The following CTNNA2 variants were observed in gnomAD, a reference collection of about 807,000 sequenced individuals.
CTNNA2 encodes catenin alpha 2, also known as catenin alpha-2.
Under a neutral mutation model 101.0 loss-of-function variants are expected in CTNNA2, and 42 were observed. That is an observed-to-expected ratio of 0.42 (90% CI 0.32 to 0.54). The LOEUF is 0.54. Ranked by LOEUF, CTNNA2 falls within the 20% of genes least tolerant of loss-of-function variation. The pLI is 0.14. For synonymous variants in CTNNA2, 450 were observed against 456.4 expected, an observed-to-expected ratio of 0.99 and a Z score of 0.18; for missense variants, 871 against 1,223.1, an observed-to-expected ratio of 0.71 and a Z score of 4.29.
At chr2:80,014,395 TG>T (rs1029847218) in intron 7 of CTNNA2, among the ~76,000 whole-genome samples, 2 of 54,906 alleles carry the variant, frequency 3.6e-5, no homozygotes, top group Admixed American at 1.3e-4. Flanking sequence ...TGATCTCTTC[TG>T]TTTTTTTTTT....
chr2:79,905,816 GTTT>G (rs1558629685), intron 6 of CTNNA2, among the ~76,000 whole-genome samples: 1 of 152,070 alleles, frequency 6.6e-6, no homozygotes, highest in African/African-American at 2.4e-5. Flanking sequence ...GTGTTTCTTA[GTTT>G]TTTAATTACT....
chr2:80,275,711 A>G (rs867155017), intron 7 of CTNNA2, among the ~76,000 whole-genome samples: 11 of 152,124 alleles, frequency 7.2e-5, no homozygotes, highest in African/African-American at 2.4e-4. Context: ...AGAGAGAGAG[A>G]GAAAGAGAGA....
chr2:80,401,565 A>C (rs982017178), intron 8 of CTNNA2, among the ~76,000 whole-genome samples: 1 of 152,064 alleles, frequency 6.6e-6, no homozygotes, highest in Non-Finnish European at 1.5e-5. Flanking sequence ...CTGTCATAAC[A>C]AGCTTCCTAC....
intron 7 of CTNNA2, among the ~76,000 whole-genome samples, chr2:80,043,127 T>C (rs1696265990): frequency 3.7e-5 from 1 of 27,178 alleles, no homozygotes; most frequent in African/African-American, 2.8e-4. Flanking sequence ...TTCTCCTTCC[T>C]TCCTTCCTTC....
rs562417898 is a variant in CTNNA2, at chr2:79,834,022, G to A, written c.299-23991G>A. Among the ~76,000 whole-genome samples the A allele has an allele frequency of 4.6e-5, 7 of 152,212 alleles. No individual in the cohort carries two copies. The South Asian group carries it at 1.2e-3, about 27-fold the overall frequency. ...TTTCTTACTGTTGGAATTTTGAGAT[G>A]TTTCCAAGTTTTGCTTGAAACACAC... On this transcript the variant is annotated intron_variant, in intron 3 of 18. Coordinates refer to ENST00000402739, the MANE Select transcript of CTNNA2 (RefSeq NM_001282597.3).
rs375994622 is a variant in CTNNA2, at chr2:79,868,928, C to T, written c.466-888C>T. Among the ~76,000 whole-genome samples the T allele has an allele frequency of 1.3e-3, 195 of 152,270 alleles. 1 individual carries two copies. The highest frequency in any genetic ancestry group is 4.4e-3 in the African/African-American group (182 of 41,550). On this transcript the variant is annotated intron_variant, in intron 4 of 18. Transcript: ENST00000402739. The stretch of plus-strand genomic sequence containing the variant: ...CACTATCTGACTGACAGGGACTGAG[C>T]GGACTCCTTCACCACAATATCTTAA...
At chr2:79,328,404 A>G (rs986434474) in intron 3 of CTNNA2, among the ~76,000 whole-genome samples, 18 of 152,220 alleles carry the variant, frequency 1.2e-4, no homozygotes, top group African/African-American at 4.1e-4. Context: ...TAAGATATTC[A>G]TAACAGATTG....
rs1050871748 is a variant in CTNNA2 at position 80,476,384 on chromosome 2, G to C, written c.1290+56783G>C. Reference sequence around the variant, plus strand: ...CTCTTTTTCAACTTACTTCTCCAGGGGAAAAGGTGGAAAAATAATTTGATA... The same window carrying C: ...CTCTTTTTCAACTTACTTCTCCAGGCGAAAAGGTGGAAAAATAATTTGATA... On this transcript the variant is annotated intron_variant, in intron 9 of 18. Coordinates refer to ENST00000402739, the MANE Select transcript of CTNNA2 (RefSeq NM_001282597.3). 2.0e-5 allele frequency among the ~76,000 whole-genome samples: 3 copies of C among 152,068 alleles called. No individual in the cohort carries two copies. In the East Asian group the frequency reaches 5.8e-4, roughly 29 times the overall value.
chr2:79,287,332 T>G (rs1015504425), intron 2 of CTNNA2, among the ~76,000 whole-genome samples: 1 of 152,138 alleles, frequency 6.6e-6, no homozygotes, highest in African/African-American at 2.4e-5. Context: ...AGAGTCGCTC[T>G]GCTTTTTAGA....
At chr2:80,519,995 G>C (rs1461171459) in intron 9 of CTNNA2, among the ~76,000 whole-genome samples, 1 of 152,098 alleles carries the variant, frequency 6.6e-6, no homozygotes. Flanking sequence ...CTAAGATGGG[G>C]TCACATCATT....
intron 1 of CTNNA2, among the ~76,000 whole-genome samples, chr2:79,600,039 T>C (rs567332504): frequency 1.3e-5 from 2 of 152,308 alleles, no homozygotes; most frequent in South Asian, 4.1e-4. Context: ...ATTAGGCTAA[T>C]TTTCTGTTAC....
intron 9 of CTNNA2, among the ~76,000 whole-genome samples, chr2:80,520,565 TGCAGGTG>T (rs1033846449): frequency 2.0e-5 from 3 of 152,136 alleles, no homozygotes; most frequent in Admixed American, 6.5e-5. Flanking sequence ...TTTCCGGAGT[TGCAGGTG>T]GCTAACTCCT....
chr2:79,918,993 C>A (rs2104370543), intron 7 of CTNNA2, among the ~76,000 whole-genome samples: 1 of 152,308 alleles, frequency 6.6e-6, no homozygotes, highest in East Asian at 1.9e-4. Context: ...GCTGTCAGCA[C>A]TGACTGGGCA....
chr2:80,555,890 A>C lies in CTNNA2; in HGVS notation c.1738A>C (p.Thr580Pro). Residue 580 changes from threonine (T) to proline (P), a missense_variant, in exon 12 of 19, where the codon ACA (threonine) becomes CCA (proline). Transcript: ENST00000402739. ...VLEATKLLSE[T>P]VMPRFAEQVE... ...GGAAGCTACAAAATTGCTTTCTGAAACAGGTAAGCATGGGTATTGGGTCTG... is the reference window on the plus strand; with the variant it reads ...GGAAGCTACAAAATTGCTTTCTGAACCAGGTAAGCATGGGTATTGGGTCTG... 6.5e-7 allele frequency: 1 copy of C among 1,543,276 alleles called. No homozygotes were observed. The highest frequency in any genetic ancestry group is 8.7e-7 in the Non-Finnish European group (1 of 1,142,924).
intron 9 of CTNNA2, among the ~76,000 whole-genome samples, chr2:80,526,399 C>T (rs1690037119): frequency 6.6e-6 from 1 of 152,192 alleles, no homozygotes; most frequent in African/African-American, 2.4e-5. Context: ...GGAGTTTCGC[C>T]ATGTTGGCCA....
intron 9 of CTNNA2, among the ~76,000 whole-genome samples, chr2:80,485,430 G>A (rs1189604947): frequency 4.6e-5 from 7 of 152,148 alleles, no homozygotes; most frequent in South Asian, 2.1e-4. Flanking sequence ...ATTTTATTTA[G>A]TGGTCAAGTT....
chr2:80,361,747 A>G (rs1280305615), intron 7 of CTNNA2, among the ~76,000 whole-genome samples: 1 of 152,136 alleles, frequency 6.6e-6, no homozygotes, highest in Non-Finnish European at 1.5e-5. Flanking sequence ...TTGGGGAAAT[A>G]TAATTTAGAA....
intron 7 of CTNNA2, among the ~76,000 whole-genome samples, chr2:80,205,008 C>T (rs892452625): frequency 6.6e-6 from 1 of 152,072 alleles, no homozygotes; most frequent in Non-Finnish European, 1.5e-5. Flanking sequence ...TTCACTCTGA[C>T]AAGAACAGCA....
chr2:80,519,384 G>A (rs984792340), intron 9 of CTNNA2, among the ~76,000 whole-genome samples: 1 of 152,122 alleles, frequency 6.6e-6, no homozygotes, highest in Non-Finnish European at 1.5e-5. Flanking sequence ...AGGGTGCCTG[G>A]TTTTGAAATC....
Sources: allele counts gnomAD v4.1 joint callset (sites outside exome capture counted in the v4.1 genomes callset), GRCh38; gene constraint gnomAD v4.1.1; transcripts MANE v1.5; gene names NCBI Gene and HGNC (gene_info 2026-07-23, HGNC 2026-07-21).